Variants in ST3GAL3 observed in about 807,000 individuals in gnomAD.
The protein encoded by ST3GAL3 is ST3 beta-galactoside alpha-2,3-sialyltransferase 3, also known as CMP-N-acetylneuraminate-beta-1,4-galactoside alpha-2,3-sialyltransferase.
Under a neutral mutation model 50.1 loss-of-function variants are expected in ST3GAL3, and 21 were observed. The ratio of observed to expected loss-of-function variants is 0.42; its 90% confidence interval spans 0.30 to 0.60. The LOEUF (loss-of-function observed/expected upper bound fraction) is 0.60. Ranked by LOEUF, ST3GAL3 falls within the 20% of genes least tolerant of loss-of-function variation. ST3GAL3 has a pLI of 0.19. For missense variants in ST3GAL3, 353 were observed against 489.4 expected (o/e 0.72, Z 2.63); for synonymous variants, 183 against 190.0 (o/e 0.96, Z 0.30).
intron 11 of ST3GAL3, among the ~76,000 whole-genome samples, chr1:43,927,454 T>G (rs955055066): frequency 6.6e-6 from 1 of 152,232 alleles, no homozygotes; most frequent in Non-Finnish European, 1.5e-5. Flanking sequence ...TCCAGTCCTC[T>G]GCTGACCTTT....
intron 2 of ST3GAL3, among the ~76,000 whole-genome samples, chr1:43,748,185 C>T (rs915652565): frequency 6.6e-6 from 1 of 151,950 alleles, no homozygotes; most frequent in Non-Finnish European, 1.5e-5. Flanking sequence ...AGTTGCGTTT[C>T]TATATACTGG....
intron 4 of ST3GAL3, among the ~76,000 whole-genome samples, chr1:43,834,620 C>T (rs1362022913): frequency 6.6e-6 from 1 of 152,208 alleles, no homozygotes; most frequent in Non-Finnish European, 1.5e-5. Context: ...TGCAGTGCTA[C>T]TCCTCATCTC....
rs2084821948 is a variant in ST3GAL3, at chr1:43,930,140, G to A, written c.1047G>A (p.Thr349=). The A allele has an allele frequency of 5.0e-6, 8 of 1,614,110 alleles. No homozygotes were observed. The highest frequency in any genetic ancestry group is 3.3e-5 in the South Asian group (3 of 91,084). ...VRMAAIKESW[T]HNIQREKEFL... ...TTCATCTCTCCTTTCAGTCCTGGAC[G>A]CACAATATCCAGCGAGAGAAAGAGT... Residue 349 remains threonine (T), a synonymous_variant, in exon 12 of 12, where the codon ACG becomes ACA. Coordinates refer to ENST00000347631, the MANE Select transcript of ST3GAL3 (RefSeq NM_006279.5).
intron 5 of ST3GAL3, among the ~76,000 whole-genome samples, chr1:43,852,373 T>C (rs1217277771): frequency 1.3e-5 from 2 of 152,166 alleles, no homozygotes; most frequent in Non-Finnish European, 2.9e-5. Flanking sequence ...AGTCTTCCCT[T>C]ACCTAGAAAT....
chr1:43,787,267 G>A (rs1043661393), intron 2 of ST3GAL3, among the ~76,000 whole-genome samples: 5 of 152,216 alleles, frequency 3.3e-5, no homozygotes, highest in Non-Finnish European at 7.3e-5. Flanking sequence ...GATGACTGAA[G>A]TAAAAATGAC....
At chr1:43,752,109 G>C (rs572653302) in intron 2 of ST3GAL3, among the ~76,000 whole-genome samples, 1 of 152,110 alleles carries the variant, frequency 6.6e-6, no homozygotes, top group Non-Finnish European at 1.5e-5. Flanking sequence ...GAGCCACTGC[G>C]CCCGGCCTAA....
At chr1:43,714,205 A>G (rs902742230) in intron 1 of ST3GAL3, among the ~76,000 whole-genome samples, 6 of 151,228 alleles carry the variant, frequency 4.0e-5, no homozygotes, top group African/African-American at 1.5e-4. Flanking sequence ...CGGAGGTTGC[A>G]GTGAGCCGAG....
At chr1:43,884,073 G>A (rs1337141374) in intron 5 of ST3GAL3, among the ~76,000 whole-genome samples, 1 of 152,120 alleles carries the variant, frequency 6.6e-6, no homozygotes, top group Non-Finnish European at 1.5e-5. Context: ...TTGAGGAAAG[G>A]ACCAAGCCTA....
At chr1:43,758,152 G>A (rs1270364466) in intron 2 of ST3GAL3, among the ~76,000 whole-genome samples, 1 of 146,504 alleles carries the variant, frequency 6.8e-6, no homozygotes, top group Non-Finnish European at 1.5e-5. Flanking sequence ...TACTCCATTG[G>A]CTGCATACCA....
At chr1:43,766,597 T>TG (rs1693102810) in intron 2 of ST3GAL3, among the ~76,000 whole-genome samples, 2 of 151,242 alleles carry the variant, frequency 1.3e-5, no homozygotes, top group African/African-American at 2.4e-5. Flanking sequence ...TGAGGAATGG[T>TG]GGGGGGCGGG....
chr1:43,866,348 AG>A (rs1382832464), intron 5 of ST3GAL3, among the ~76,000 whole-genome samples: 1 of 152,160 alleles, frequency 6.6e-6, no homozygotes, highest in African/African-American at 2.4e-5. Context: ...AGGCTGAGGC[AG>A]GCCGATCACT....
intron 5 of ST3GAL3, chr1:43,842,894 A>C (rs2065643962): frequency 6.6e-6 from 1 of 151,964 alleles, no homozygotes; most frequent in South Asian, 2.1e-4. Context: ...TTCTCCATTG[A>C]ATTACCTTGG....
chr1:43,812,375 A>G (rs2060662023), intron 3 of ST3GAL3, among the ~76,000 whole-genome samples: 1 of 152,208 alleles, frequency 6.6e-6, no homozygotes, highest in Admixed American at 6.5e-5. Flanking sequence ...CTGGGCTCTG[A>G]CGCTAGAGCC....
chr1:43,775,343 C>T (rs1312987922), intron 2 of ST3GAL3, among the ~76,000 whole-genome samples: 10 of 151,784 alleles, frequency 6.6e-5, no homozygotes, highest in Non-Finnish European at 4.4e-5. Context: ...AAGCGATTCT[C>T]CTGCCTCAGC....
chr1:43,823,127 C>G (rs1356661585), intron 4 of ST3GAL3, among the ~76,000 whole-genome samples: 1 of 152,086 alleles, frequency 6.6e-6, no homozygotes, highest in African/African-American at 2.4e-5. Flanking sequence ...TTTTTGCACT[C>G]CTAACTAGTC....
chr1:43,758,480 T>G (rs1688971891), intron 2 of ST3GAL3, among the ~76,000 whole-genome samples: 1 of 152,084 alleles, frequency 6.6e-6, no homozygotes, highest in Non-Finnish European at 1.5e-5. Flanking sequence ...CTTGAACTCC[T>G]GGCCTCAAGT....
At chr1:43,826,898 T>C (rs2062875894) in intron 4 of ST3GAL3, among the ~76,000 whole-genome samples, 1 of 152,164 alleles carries the variant, frequency 6.6e-6, no homozygotes, top group African/African-American at 2.4e-5. Flanking sequence ...CCAATACCTA[T>C]TCATGATTTT....
At chr1:43,911,979 T>C (rs2154287534) in intron 9 of ST3GAL3, 1 of 152,324 alleles carries the variant, frequency 6.6e-6, no homozygotes, top group Admixed American at 6.5e-5. Flanking sequence ...AACAGCTTGA[T>C]AGCTTGCCTC....
At chr1:43,918,563 G>A (rs1014430803) in intron 9 of ST3GAL3, among the ~76,000 whole-genome samples, 1 of 151,958 alleles carries the variant, frequency 6.6e-6, no homozygotes, top group Non-Finnish European at 1.5e-5. Context: ...CTGCTTCTAG[G>A]TGACCCTGTT....
Sources: allele counts gnomAD v4.1 joint callset (sites outside exome capture counted in the v4.1 genomes callset), GRCh38; gene constraint gnomAD v4.1.1; transcripts MANE v1.5; gene names NCBI Gene and HGNC (gene_info 2026-07-23, HGNC 2026-07-21).